The following ARL15 variants were observed in gnomAD, a reference collection of about 807,000 sequenced individuals.
ARL15 encodes the protein ADP-ribosylation factor-like protein 15.
In ARL15, 19 loss-of-function variants were observed where a neutral mutation model predicts 25.2. The ratio of observed to expected loss-of-function variants is 0.75; its 90% CI spans 0.53 to 1.10. The LOEUF (loss-of-function observed/expected upper bound fraction) is 1.10. ARL15 is among the 50% of genes least tolerant of loss of function. The probability of loss-of-function intolerance (pLI) is 0.00; values close to 1 mark genes in which losing one functional copy is unlikely to be tolerated. For missense variants in ARL15, 220 were observed against 246.0 expected (o/e 0.89, Z 0.71); for synonymous variants, 94 against 86.8 (o/e 1.08, Z -0.46).
chr5:54,133,436 T>A (rs973590329), intron 3 of ARL15, among the ~76,000 whole-genome samples: 1 of 152,112 alleles, frequency 6.6e-6, no homozygotes, highest in Non-Finnish European at 1.5e-5. Context: ...AAGTGGCAAG[T>A]GCTGGCAGTA....
chr5:54,203,408 T>C (rs1053118553), intron 1 of ARL15, among the ~76,000 whole-genome samples: 3 of 152,190 alleles, frequency 2.0e-5, no homozygotes, highest in African/African-American at 7.2e-5. Context: ...CTTCGCAGCA[T>C]CACAACTCCC....
Position 54,171,803 on chromosome 5 carries a change from A to C in ARL15, c.174T>G (p.Asp58Glu), listed in dbSNP as rs773087734. 6.2e-7 allele frequency: 1 copy of C among 1,613,004 alleles called. No individual in the cohort carries two copies. Among genetic ancestry groups the C allele is most frequent in the Non-Finnish European group, 8.5e-7 (1 of 1,179,488 alleles). ...ACCCACCTGTGGTCGACACGACGTT[A>C]TCGGGGCTTTCACTGCAGAGTTTGG... is the stretch of plus-strand genomic sequence containing the variant. ...LLSKLCSESP[D>E]NVVSTTGFSI... Residue 58 changes from aspartate (D) to glutamate (E), a missense_variant, in exon 2 of 5, where the codon GAT (aspartate) becomes GAG (glutamate). Coordinates refer to ENST00000504924, the MANE Select transcript of ARL15 (RefSeq NM_019087.3).
intron 1 of ARL15, among the ~76,000 whole-genome samples, chr5:54,303,735 G>A (rs1271742384): frequency 6.8e-6 from 1 of 148,128 alleles, no homozygotes; most frequent in Non-Finnish European, 1.5e-5. Context: ...AGAAAAAGGA[G>A]AGGGGAGGGG....
intron 4 of ARL15, among the ~76,000 whole-genome samples, chr5:53,924,221 G>A (rs1048325635): frequency 2.6e-5 from 4 of 152,110 alleles, no homozygotes; most frequent in East Asian, 1.9e-4. Context: ...TTGCCATTAC[G>A]TCTCCTTAGC....
rs34592464 is a variant in ARL15 at position 54,272,107 on chromosome 5, C to CTTTTT, written c.48+38320_48+38324dup. Reference sequence around the variant, plus strand: ...TATAGGTGTGTGCCACCACTCCTGGCTTTTTTTTTTTTTTTTTTTTTTTTT... The same window carrying CTTTTT: ...TATAGGTGTGTGCCACCACTCCTGGCTTTTTTTTTTTTTTTTTTTTTTTTTTTTTT... On this transcript the variant is annotated intron_variant, in intron 1 of 4. Transcript: ENST00000504924. 4.1e-4 allele frequency among the ~76,000 whole-genome samples: 15 copies of CTTTTT among 36,790 alleles called. 1 individual carries two copies. Among genetic ancestry groups the CTTTTT allele is most frequent in the African/African-American group, 5.1e-4 (6 of 11,880 alleles). The allele number at this position is 36,790 out of a possible 152,430, so 24.1% of individuals were successfully genotyped here.
chr5:54,179,599 G>A (rs1754987225), intron 1 of ARL15, among the ~76,000 whole-genome samples: 1 of 152,224 alleles, frequency 6.6e-6, no homozygotes, highest in East Asian at 1.9e-4. Context: ...GGGAGGAGGA[G>A]GAGAGGAGAT....
At chr5:53,924,959 A>T (rs1006472510) in intron 4 of ARL15, among the ~76,000 whole-genome samples, 2 of 152,114 alleles carry the variant, frequency 1.3e-5, no homozygotes, top group South Asian at 4.1e-4. Context: ...ACAAGAAAGA[A>T]TTCAACTCCT....
chr5:54,113,901 T>A (rs1752815680), intron 3 of ARL15, among the ~76,000 whole-genome samples: 1 of 152,158 alleles, frequency 6.6e-6, no homozygotes, highest in Admixed American at 6.5e-5. Context: ...CTTGTTTAAT[T>A]TCACCTAGGG....
intron 4 of ARL15, among the ~76,000 whole-genome samples, chr5:54,012,734 G>A (rs2111792429): frequency 6.6e-6 from 1 of 151,682 alleles, no homozygotes; most frequent in South Asian, 2.1e-4. Context: ...ATGTTGGTCA[G>A]GCTGGTCTCC....
At chr5:54,265,904 C>T (rs1561288277) in intron 1 of ARL15, among the ~76,000 whole-genome samples, 1 of 152,186 alleles carries the variant, frequency 6.6e-6, no homozygotes, top group Non-Finnish European at 1.5e-5. Flanking sequence ...CTCGTTTAAC[C>T]TCCACCACAA....
intron 4 of ARL15, among the ~76,000 whole-genome samples, chr5:54,034,254 G>A (rs985114611): frequency 2.0e-5 from 3 of 152,274 alleles, no homozygotes; most frequent in Admixed American, 6.5e-5. Context: ...ATTTTGTTGT[G>A]GATTGATTTG....
intron 4 of ARL15, among the ~76,000 whole-genome samples, chr5:54,006,952 G>A (rs964346916): frequency 4.6e-5 from 7 of 152,092 alleles, no homozygotes; most frequent in Admixed American, 1.3e-4. Context: ...ATTAGCCGGG[G>A]TGGTGGTGCA....
At chr5:54,304,580 C>T (rs1758704736) in intron 1 of ARL15, among the ~76,000 whole-genome samples, 1 of 152,190 alleles carries the variant, frequency 6.6e-6, no homozygotes, top group Admixed American at 6.5e-5. Context: ...CCAGACTTAA[C>T]ACCTTTGTAG....
At chr5:54,056,912 G>A (rs1750891366) in intron 4 of ARL15, among the ~76,000 whole-genome samples, 1 of 152,124 alleles carries the variant, frequency 6.6e-6, no homozygotes, top group Non-Finnish European at 1.5e-5. Context: ...TGAATTAAAT[G>A]AGAAACTACT....
intron 4 of ARL15, among the ~76,000 whole-genome samples, chr5:54,089,074 T>C (rs995627851): frequency 1.3e-5 from 2 of 152,188 alleles, no homozygotes; most frequent in Admixed American, 6.5e-5. Context: ...TAATGCAAAG[T>C]AATGCTATTC....
intron 4 of ARL15, among the ~76,000 whole-genome samples, chr5:54,018,646 C>T (rs1229118584): frequency 6.6e-6 from 1 of 152,162 alleles, no homozygotes; most frequent in Non-Finnish European, 1.5e-5. Flanking sequence ...CACCATGCTG[C>T]TATTCATTCA....
At chr5:53,957,690 G>T (rs558543975) in intron 4 of ARL15, among the ~76,000 whole-genome samples, 1 of 152,072 alleles carries the variant, frequency 6.6e-6, no homozygotes. Context: ...TGGGTATGGT[G>T]GTATATGCCC....
intron 1 of ARL15, among the ~76,000 whole-genome samples, chr5:54,223,494 G>C (rs1160894657): frequency 6.6e-6 from 1 of 152,138 alleles, no homozygotes; most frequent in African/African-American, 2.4e-5. Flanking sequence ...TTTAGAGATA[G>C]AAAAGGGTCT....
chr5:54,138,509 C>T (rs1289688011), intron 3 of ARL15, among the ~76,000 whole-genome samples: 3 of 152,084 alleles, frequency 2.0e-5, no homozygotes, highest in Non-Finnish European at 4.4e-5. Context: ...TCCACTTACA[C>T]AAAAATCAAC....
Sources: gnomAD v4.1 joint callset for allele counts (sites outside exome capture counted in the v4.1 genomes callset) on GRCh38, gnomAD v4.1.1 for gene constraint, MANE v1.5 for transcripts, NCBI Gene and HGNC (gene_info 2026-07-23, HGNC 2026-07-21) for gene names.